Variants in RALGPS1 observed in about 807,000 individuals in gnomAD.
RALGPS1 encodes Ral GEF with PH domain and SH3 binding motif 1, also known as ras-specific guanine nucleotide-releasing factor RalGPS1.
Under a neutral mutation model 78.8 loss-of-function variants are expected in RALGPS1, and 19 were observed. The ratio of observed to expected loss-of-function variants is 0.24; its 90% CI spans 0.17 to 0.35. The LOEUF (loss-of-function observed/expected upper bound fraction) is 0.35, where lower values mean the gene tolerates loss of function less well. Ranked by LOEUF, RALGPS1 falls within the 10% of genes least tolerant of loss-of-function variation. The probability of loss-of-function intolerance (pLI) is 1.00; values close to 1 mark genes in which losing one functional copy is unlikely to be tolerated. For missense variants in RALGPS1, 454 were observed against 688.3 expected (o/e 0.66, Z 3.81); for synonymous variants, 228 against 256.3 (o/e 0.89, Z 1.06).
rs553374550 is a variant in RALGPS1, at chr9:126,928,343, TGTG to T, written c.-66+13369_-66+13371del. Among the ~76,000 whole-genome samples, 428 of 152,244 alleles carry T rather than the reference TGTG, an allele frequency of 2.8e-3. 1 individual carries two copies. Among genetic ancestry groups the T allele is most frequent in the Non-Finnish European group, 4.0e-3 (273 of 68,024 alleles). On this transcript the variant is annotated intron_variant, in intron 1 of 18. Coordinates refer to ENST00000259351, the MANE Select transcript of RALGPS1 (RefSeq NM_014636.3). ...TTAATACCAGGACTGACCATCGTGG[TGTG>T]ATGCCTTTTGCTTCTTAGGGAAGGA...
chr9:127,017,184 G>T (rs1012187722), intron 4 of RALGPS1, among the ~76,000 whole-genome samples: 6 of 152,158 alleles, frequency 3.9e-5, no homozygotes, highest in Non-Finnish European at 1.5e-5. Flanking sequence ...AGGTGATTTT[G>T]CCCTAGTGTG....
chr9:127,174,362 A>G (rs527598674), intron 10 of RALGPS1, among the ~76,000 whole-genome samples: 2 of 152,170 alleles, frequency 1.3e-5, no homozygotes, highest in Non-Finnish European at 2.9e-5. Flanking sequence ...AGGGTCACAC[A>G]TTCCTGGGTT....
intron 1 of RALGPS1, among the ~76,000 whole-genome samples, chr9:126,953,826 G>C (rs2038096771): frequency 6.6e-6 from 1 of 152,184 alleles, no homozygotes; most frequent in Non-Finnish European, 1.5e-5. Flanking sequence ...TGTGGTGTTA[G>C]TTCCATCTGT....
chr9:127,128,948 C>G (rs956545885), intron 8 of RALGPS1, among the ~76,000 whole-genome samples: 6 of 152,168 alleles, frequency 3.9e-5, no homozygotes, highest in African/African-American at 1.4e-4. Flanking sequence ...GCTTTGAGAG[C>G]CTGTTGTTAG....
chr9:127,056,420 A>T (rs535511514), intron 7 of RALGPS1, among the ~76,000 whole-genome samples: 1 of 152,306 alleles, frequency 6.6e-6, no homozygotes, highest in East Asian at 1.9e-4. Context: ...CTCCAAGGTC[A>T]CTTGTGGGGT....
intron 1 of RALGPS1, among the ~76,000 whole-genome samples, chr9:126,926,027 A>G (rs903622204): frequency 5.3e-5 from 8 of 152,216 alleles, no homozygotes; most frequent in Non-Finnish European, 1.0e-4. Context: ...GCCAGAAATA[A>G]TGGACAAATT....
intron 7 of RALGPS1, among the ~76,000 whole-genome samples, chr9:127,055,212 ATCTGTCTGTCTG>A (rs11281489): frequency 3.3e-5 from 5 of 150,984 alleles, no homozygotes; most frequent in East Asian, 3.9e-4. Flanking sequence ...CTATCTATCT[ATCTGTCTGTCTG>A]TCTGTCTGTC....
Position 127,036,337 on chromosome 9 carries a change from C to G in RALGPS1, c.300+1823C>G, listed in dbSNP as rs117187616. On this transcript the variant is annotated intron_variant, in intron 5 of 18. Transcript: ENST00000259351. ...GGGATGAACTCGTTGGCGTCCCTTC[C>G]TGGCAGAATTTTATGTGTGAGAACA... Among the ~76,000 whole-genome samples the G allele has an allele frequency of 4.7e-3, 711 of 152,316 alleles. 3 individuals carry two copies. Among genetic ancestry groups the G allele is most frequent in the Middle Eastern group, 0.02 (6 of 294 alleles).
chr9:127,115,389 C>T (rs924640207), intron 8 of RALGPS1, among the ~76,000 whole-genome samples: 12 of 152,264 alleles, frequency 7.9e-5, no homozygotes, highest in African/African-American at 2.6e-4. Flanking sequence ...AGGGTTTCGC[C>T]ATGCTGGTTG....
rs146573392 is a variant in RALGPS1 at position 126,979,642 on chromosome 9, C to T, written c.216+1897C>T. On this transcript the variant is annotated intron_variant, in intron 4 of 18. Transcript: ENST00000259351. ...TGCCAGGCTGCTGGAAGGAGGGAGGCGGGTGGGGGCTTCTTCCTCTTCAGA... is the reference window on the plus strand; with the variant it reads ...TGCCAGGCTGCTGGAAGGAGGGAGGTGGGTGGGGGCTTCTTCCTCTTCAGA... 3.2e-4 allele frequency among the ~76,000 whole-genome samples: 49 copies of T among 152,304 alleles called. 1 individual carries two copies. Among genetic ancestry groups the T allele is most frequent in the African/African-American group, 1.1e-3 (46 of 41,568 alleles).
At chr9:127,171,680 A>T (rs1422565182) in intron 10 of RALGPS1, among the ~76,000 whole-genome samples, 1 of 152,190 alleles carries the variant, frequency 6.6e-6, no homozygotes, top group Non-Finnish European at 1.5e-5. Context: ...AATCACTTGA[A>T]CCTGGGAGGC....
At chr9:127,217,446 A>G (rs2779708) in intron 18 of RALGPS1, 729,071 of 986,222 alleles carry the variant, frequency 0.74, 270,535 homozygotes, top group African/African-American at 0.89. Flanking sequence ...ATCTATTCAC[A>G]AGGAAACATC....
intron 14 of RALGPS1, among the ~76,000 whole-genome samples, chr9:127,206,457 C>T (rs1405977122): frequency 6.6e-6 from 1 of 152,102 alleles, no homozygotes; most frequent in Non-Finnish European, 1.5e-5. Context: ...AAGTGCTGAG[C>T]AAAAGGGGGA....
intron 8 of RALGPS1, among the ~76,000 whole-genome samples, chr9:127,137,736 G>A: frequency 6.6e-6 from 1 of 152,230 alleles, no homozygotes; most frequent in East Asian, 1.9e-4. Flanking sequence ...GGGCACTGGG[G>A]AGATACATGG....
intron 4 of RALGPS1, among the ~76,000 whole-genome samples, chr9:126,994,665 A>G (rs2133318451): frequency 6.6e-6 from 1 of 152,362 alleles, no homozygotes; most frequent in East Asian, 1.9e-4. Context: ...ATTCAAATTC[A>G]GGAAATACAG....
chr9:127,105,534 G>A (rs2054135960), intron 8 of RALGPS1, among the ~76,000 whole-genome samples: 1 of 152,214 alleles, frequency 6.6e-6, no homozygotes, highest in Non-Finnish European at 1.5e-5. Context: ...CAACAAAGAA[G>A]TGCCACGTCT....
intron 1 of RALGPS1, among the ~76,000 whole-genome samples, chr9:126,952,374 G>T (rs2037905775): frequency 6.6e-6 from 1 of 152,162 alleles, no homozygotes; most frequent in Non-Finnish European, 1.5e-5. Context: ...AGTGGAGTGA[G>T]TGATGGCCAT....
intron 8 of RALGPS1, among the ~76,000 whole-genome samples, chr9:127,137,674 T>C (rs966641178): frequency 1.3e-5 from 2 of 152,214 alleles, no homozygotes; most frequent in African/African-American, 4.8e-5. Context: ...TACATCTTTT[T>C]CCCCCTTCTT....
intron 1 of RALGPS1, among the ~76,000 whole-genome samples, chr9:126,945,195 C>G (rs1231623277): frequency 6.6e-6 from 1 of 152,046 alleles, no homozygotes; most frequent in Non-Finnish European, 1.5e-5. Flanking sequence ...CAGGTGTCCT[C>G]TCTTTCTCTT....
Sources: gnomAD v4.1 joint callset for allele counts (sites outside exome capture counted in the v4.1 genomes callset) on GRCh38, gnomAD v4.1.1 for gene constraint, MANE v1.5 for transcripts, NCBI Gene and HGNC (gene_info 2026-07-23, HGNC 2026-07-21) for gene names.